The following ASIC2 variants were observed in gnomAD, a reference collection of about 807,000 sequenced individuals.
ASIC2 encodes the protein acid sensing ion channel subunit 2, also known as acid-sensing ion channel 2.
ASIC2 carries 25 observed loss-of-function variants against 57.3 expected under a neutral mutation model. The ratio of observed to expected loss-of-function variants is 0.44; its 90% confidence interval spans 0.32 to 0.61. The LOEUF is 0.61. ASIC2 is among the 20% of genes least tolerant of loss of function. The probability of loss-of-function intolerance (pLI) is 0.06; values close to 1 mark genes in which losing one functional copy is unlikely to be tolerated. For missense variants in ASIC2, 641 were observed against 738.1 expected (o/e 0.87, Z 1.52); for synonymous variants, 319 against 307.5 (o/e 1.04, Z -0.39).
Position 33,830,903 on chromosome 17 carries a change from G to A in ASIC2, c.555+325075C>T, listed in dbSNP as rs530186915. On this transcript the variant is annotated intron_variant, in intron 1 of 9. Transcript: ENST00000359872. ...AAGTGGGTGGATCATCTGAGGTCAGGAGTTTGAGACCAGCCTGGCCAACAT... is the reference window on the plus strand; with the variant it reads ...AAGTGGGTGGATCATCTGAGGTCAGAAGTTTGAGACCAGCCTGGCCAACAT... 2.0e-4 allele frequency among the ~76,000 whole-genome samples: 31 copies of A among 151,886 alleles called. No homozygotes were observed. In the South Asian group the frequency reaches 6.0e-3, roughly 30 times the overall value.
rs943514962 is a variant in ASIC2, at chr17:33,387,462, C to A, written c.556-275395G>T. 1.6e-4 allele frequency among the ~76,000 whole-genome samples: 25 copies of A among 152,300 alleles called. No individual in the cohort carries two copies. The East Asian group carries it at 3.9e-3, about 23-fold the overall frequency. On this transcript the variant is annotated intron_variant, in intron 1 of 9. Transcript: ENST00000359872. Reference sequence around the variant, plus strand: ...GTACCAACAGAGAAATGGTTAGGACCTTTATCATTTTTCTCTTTCTGCAAC... The same window carrying A: ...GTACCAACAGAGAAATGGTTAGGACATTTATCATTTTTCTCTTTCTGCAAC...
At chr17:33,749,382 G>A (rs183354301) in intron 1 of ASIC2, among the ~76,000 whole-genome samples, 8 of 152,098 alleles carry the variant, frequency 5.3e-5, no homozygotes, top group South Asian at 2.1e-4. Context: ...GAGCACAGGA[G>A]TGCTGTCTAA....
chr17:33,115,052 T>C (rs888503098), intron 1 of ASIC2, among the ~76,000 whole-genome samples: 7 of 152,090 alleles, frequency 4.6e-5, no homozygotes, highest in South Asian at 4.2e-4. Context: ...ATAGTGGGAG[T>C]GAGTAGAGAC....
chr17:33,420,156 G>A (rs746682576), intron 1 of ASIC2, among the ~76,000 whole-genome samples: 31 of 152,192 alleles, frequency 2.0e-4, no homozygotes, highest in Non-Finnish European at 4.4e-4. Flanking sequence ...CCTTCTGCAC[G>A]TCTGCTAGCT....
At chr17:33,441,404 G>T (rs1288078089) in intron 1 of ASIC2, among the ~76,000 whole-genome samples, 2 of 152,132 alleles carry the variant, frequency 1.3e-5, no homozygotes, top group African/African-American at 4.8e-5. Flanking sequence ...ATGTCAAAAA[G>T]ATTTTCTCCC....
chr17:33,215,787 C>T (rs1200577074), intron 1 of ASIC2, among the ~76,000 whole-genome samples: 1 of 151,704 alleles, frequency 6.6e-6, no homozygotes. Context: ...GCAGGCTCCG[C>T]CCCCCGGGTT....
intron 1 of ASIC2, among the ~76,000 whole-genome samples, chr17:33,902,288 C>A (rs1915246203): frequency 6.6e-6 from 1 of 152,156 alleles, no homozygotes; most frequent in South Asian, 2.1e-4. Flanking sequence ...CCTTGAACTA[C>A]CCAGAGTTGT....
At chr17:34,079,676 T>C (rs1463483792) in intron 1 of ASIC2, among the ~76,000 whole-genome samples, 1 of 152,200 alleles carries the variant, frequency 6.6e-6, no homozygotes, top group African/African-American at 2.4e-5. Flanking sequence ...TTAAATGTCA[T>C]AGGGTTGGCA....
intron 1 of ASIC2, among the ~76,000 whole-genome samples, chr17:33,285,097 A>C (rs1905092054): frequency 2.0e-5 from 3 of 152,222 alleles, no homozygotes; most frequent in Admixed American, 2.0e-4. Flanking sequence ...TAGGAGAATG[A>C]AGGCAACCGA....
At chr17:33,982,270 G>T (rs894015164) in intron 1 of ASIC2, among the ~76,000 whole-genome samples, 2 of 152,212 alleles carry the variant, frequency 1.3e-5, no homozygotes, top group African/African-American at 4.8e-5. Context: ...TACATTAAAT[G>T]CTCTGCAAGA....
intron 1 of ASIC2, among the ~76,000 whole-genome samples, chr17:33,701,990 C>T (rs1908715560): frequency 6.6e-6 from 1 of 152,176 alleles, no homozygotes; most frequent in African/African-American, 2.4e-5. Flanking sequence ...TGGCGTTGAG[C>T]TCGGCTGTGC....
At chr17:33,624,243 TTAAG>T (rs1429178664) in intron 1 of ASIC2, 2 of 152,220 alleles carry the variant, frequency 1.3e-5, no homozygotes, top group Non-Finnish European at 2.9e-5. Flanking sequence ...AAAGATCCAC[TTAAG>T]TAAGTCCTAG....
At chr17:33,136,953 C>T (rs1411745807) in intron 1 of ASIC2, among the ~76,000 whole-genome samples, 1 of 152,222 alleles carries the variant, frequency 6.6e-6, no homozygotes, top group Non-Finnish European at 1.5e-5. Context: ...CTCTGAGCCT[C>T]AGTTTCCTCA....
intron 1 of ASIC2, among the ~76,000 whole-genome samples, chr17:33,462,392 G>C (rs1484107388): frequency 6.6e-6 from 1 of 152,160 alleles, no homozygotes; most frequent in African/African-American, 2.4e-5. Flanking sequence ...AAGGTATTTT[G>C]TTCTCTGCTT....
chr17:33,298,535 G>C (rs1202314008), intron 1 of ASIC2, among the ~76,000 whole-genome samples: 1 of 152,158 alleles, frequency 6.6e-6, no homozygotes, highest in Non-Finnish European at 1.5e-5. Flanking sequence ...CTTTGCTCTT[G>C]TGAATAGTGC....
intron 1 of ASIC2, among the ~76,000 whole-genome samples, chr17:33,318,548 T>C (rs1190949830): frequency 1.3e-5 from 2 of 152,204 alleles, no homozygotes; most frequent in African/African-American, 4.8e-5. Context: ...GGGGAGAAGC[T>C]TTCTAAGCTC....
At chr17:33,447,725 A>G (rs1028545937) in intron 1 of ASIC2, among the ~76,000 whole-genome samples, 4 of 152,188 alleles carry the variant, frequency 2.6e-5, no homozygotes, top group Admixed American at 2.0e-4. Flanking sequence ...GATAACTGAT[A>G]TATCTTGTAG....
chr17:33,203,922 G>A (rs995741543), intron 1 of ASIC2, among the ~76,000 whole-genome samples: 2 of 152,208 alleles, frequency 1.3e-5, no homozygotes, highest in African/African-American at 4.8e-5. Flanking sequence ...TTCGTCCTTA[G>A]GTAAGTCATG....
chr17:33,686,988 A>T (rs1295465224), intron 1 of ASIC2, among the ~76,000 whole-genome samples: 1 of 152,148 alleles, frequency 6.6e-6, no homozygotes, highest in Non-Finnish European at 1.5e-5. Flanking sequence ...GACCAAGGGA[A>T]CCTATGCGGG....
Sources: allele counts gnomAD v4.1 joint callset (sites outside exome capture counted in the v4.1 genomes callset), GRCh38; gene constraint gnomAD v4.1.1; transcripts MANE v1.5; gene names NCBI Gene and HGNC (gene_info 2026-07-23, HGNC 2026-07-21).